The following GALNT1 variants were observed in gnomAD, a reference collection of about 807,000 sequenced individuals.
The protein encoded by GALNT1 is GalNAc transferase 1.
In GALNT1, 17 loss-of-function variants were observed where a neutral mutation model predicts 65.7. That is an observed-to-expected ratio of 0.26 (90% CI 0.18 to 0.39). The LOEUF (loss-of-function observed/expected upper bound fraction) is 0.39, where lower values mean the gene tolerates loss of function less well. GALNT1 is among the 10% of genes least tolerant of loss of function. The pLI is 1.00. For missense variants in GALNT1, 460 were observed against 672.8 expected, an observed-to-expected ratio of 0.68 and a Z score of 3.50; for synonymous variants, 210 against 219.7, an observed-to-expected ratio of 0.96 and a Z score of 0.39.
At chr18:35,657,025 G>A (rs551266258) in intron 2 of GALNT1, among the ~76,000 whole-genome samples, 1 of 152,320 alleles carries the variant, frequency 6.6e-6, no homozygotes, top group Non-Finnish European at 1.5e-5. Context: ...ATGCTCCTTA[G>A]AAGAGGAGCA....
chr18:35,607,971 A>T (rs2046672337), intron 1 of GALNT1, among the ~76,000 whole-genome samples: 1 of 152,064 alleles, frequency 6.6e-6, no homozygotes, highest in South Asian at 2.1e-4. Context: ...ATGTTTTAAA[A>T]TTTTTTTGAT....
At chr18:35,652,036 T>C (rs1016527194) in intron 1 of GALNT1, among the ~76,000 whole-genome samples, 1 of 151,980 alleles carries the variant, frequency 6.6e-6, no homozygotes, top group Non-Finnish European at 1.5e-5. Context: ...TTTTTTTTTT[T>C]ATTGAACATA....
chr18:35,583,515 T>C (rs2046347574), intron 1 of GALNT1, among the ~76,000 whole-genome samples: 1 of 152,178 alleles, frequency 6.6e-6, no homozygotes, highest in East Asian at 1.9e-4. Context: ...TGGCTTCCTT[T>C]TCCAGCCATG....
chr18:35,672,966 A>T (rs531274971), intron 3 of GALNT1, among the ~76,000 whole-genome samples: 38 of 152,262 alleles, frequency 2.5e-4, no homozygotes, highest in Admixed American at 6.5e-4. Context: ...TATAGTTAGT[A>T]AGTGACGCAA....
intron 1 of GALNT1, among the ~76,000 whole-genome samples, chr18:35,589,224 T>C (rs955184029): frequency 6.6e-6 from 1 of 151,944 alleles, no homozygotes; most frequent in African/African-American, 2.4e-5. Context: ...GGAGAGGGTG[T>C]ATGTGGAAGG....
chr18:35,628,344 G>A (rs761600506), intron 1 of GALNT1, among the ~76,000 whole-genome samples: 82 of 152,260 alleles, frequency 5.4e-4, no homozygotes, highest in Middle Eastern at 3.4e-3. Context: ...CACTTCACAC[G>A]GCCGGGTACC....
At chr18:35,697,843 C>G (rs2048085259) in intron 9 of GALNT1, among the ~76,000 whole-genome samples, 1 of 152,188 alleles carries the variant, frequency 6.6e-6, no homozygotes, top group Non-Finnish European at 1.5e-5. Flanking sequence ...ATTGTTTTGG[C>G]TTGATTCAGT....
At chr18:35,641,902 C>A (rs2047168782) in intron 1 of GALNT1, among the ~76,000 whole-genome samples, 1 of 151,844 alleles carries the variant, frequency 6.6e-6, no homozygotes, top group South Asian at 2.1e-4. Context: ...TTTTTAAGTG[C>A]TTAAAAAAAA....
intron 1 of GALNT1, among the ~76,000 whole-genome samples, chr18:35,615,901 A>G (rs1414913887): frequency 1.3e-5 from 2 of 152,222 alleles, no homozygotes; most frequent in Non-Finnish European, 2.9e-5. Context: ...CTTTTCTGTA[A>G]AGGGCCAGAT....
chr18:35,622,937 TGA>T (rs1192485029), intron 1 of GALNT1, among the ~76,000 whole-genome samples: 1 of 152,102 alleles, frequency 6.6e-6, no homozygotes, highest in East Asian at 1.9e-4. Context: ...AAAGGAGTGC[TGA>T]GTTTTACTAT....
At chr18:35,593,867 C>T (rs1052967285) in intron 1 of GALNT1, among the ~76,000 whole-genome samples, 2 of 151,934 alleles carry the variant, frequency 1.3e-5, no homozygotes, top group African/African-American at 4.8e-5. Context: ...TGCCATCACA[C>T]CTGGCTAAGT....
chr18:35,589,830 A>G (rs1306211081), intron 1 of GALNT1, among the ~76,000 whole-genome samples: 1 of 152,228 alleles, frequency 6.6e-6, no homozygotes, highest in Admixed American at 6.5e-5. Context: ...TAAAATATGA[A>G]TTGCAAGAAA....
chr18:35,587,580 T>G (rs1285992366), intron 1 of GALNT1, among the ~76,000 whole-genome samples: 1 of 152,228 alleles, frequency 6.6e-6, no homozygotes, highest in Non-Finnish European at 1.5e-5. Context: ...TATTGTGTTT[T>G]TTGTTCATCA....
At chr18:35,701,823 G>A (rs558812783) in intron 9 of GALNT1, among the ~76,000 whole-genome samples, 68 of 152,148 alleles carry the variant, frequency 4.5e-4, no homozygotes, top group Non-Finnish European at 8.2e-4. Context: ...TGTTTTGAAC[G>A]AACCGAGTTT....
At chr18:35,689,397 G>C in intron 7 of GALNT1, 107 bp downstream of exon 7, 2 of 690,954 alleles carry the variant, frequency 2.9e-6, no homozygotes, top group Non-Finnish European at 5.0e-6. Flanking sequence ...TTTAATACAA[G>C]TTTAATGTAA....
At chr18:35,597,771 A>G (rs1053676551) in intron 1 of GALNT1, among the ~76,000 whole-genome samples, 1 of 152,126 alleles carries the variant, frequency 6.6e-6, no homozygotes, top group Non-Finnish European at 1.5e-5. Flanking sequence ...ATAATAGTCA[A>G]ATTCATGTAA....
intron 11 of GALNT1, among the ~76,000 whole-genome samples, chr18:35,704,045 A>G (rs1029351680): frequency 2.0e-5 from 3 of 152,238 alleles, no homozygotes; most frequent in Admixed American, 6.5e-5. Flanking sequence ...AGTGACATAT[A>G]TGACAGAACC....
chr18:35,642,617 T>G (rs953572178), intron 1 of GALNT1, among the ~76,000 whole-genome samples: 1 of 152,176 alleles, frequency 6.6e-6, no homozygotes, highest in East Asian at 1.9e-4. Flanking sequence ...TTTTGATATT[T>G]TATAAGTTTT....
Position 35,688,578 on chromosome 18 carries a change from T to C in GALNT1, c.861-595T>C, listed in dbSNP as rs139100814. On this transcript the variant is annotated intron_variant, in intron 6 of 11. Coordinates refer to ENST00000269195, the MANE Select transcript of GALNT1 (RefSeq NM_020474.4). Reference sequence around the variant, plus strand: ...TTAGACTCCTCTTTTGCAGAAAATATACCACACAGTCAGGAAGGAACATAT... The same window carrying C: ...TTAGACTCCTCTTTTGCAGAAAATACACCACACAGTCAGGAAGGAACATAT... Among the ~76,000 whole-genome samples the C allele has an allele frequency of 4.3e-3, 650 of 152,332 alleles. 5 individuals are homozygous for C. Among genetic ancestry groups the C allele is most frequent in the African/African-American group, 0.015 (637 of 41,580 alleles).
Sources: gnomAD v4.1 joint callset for allele counts (sites outside exome capture counted in the v4.1 genomes callset) on GRCh38, gnomAD v4.1.1 for gene constraint, MANE v1.5 for transcripts, NCBI Gene and HGNC (gene_info 2026-07-23, HGNC 2026-07-21) for gene names.